The following NELL2 variants were observed in gnomAD, a reference collection of about 807,000 sequenced individuals.
The protein encoded by NELL2 is protein kinase C-binding protein NELL2.
NELL2 carries 41 observed loss-of-function variants against 109.6 expected under a neutral mutation model. That is an observed-to-expected ratio of 0.37 (90% CI 0.29 to 0.49). The LOEUF (loss-of-function observed/expected upper bound fraction) is 0.49, where lower values mean the gene tolerates loss of function less well. Ranked by LOEUF, NELL2 falls within the 20% of genes least tolerant of loss-of-function variation. The pLI, the probability that NELL2 is intolerant of heterozygous loss-of-function variation, is 0.98. For synonymous variants in NELL2, 355 were observed against 344.7 expected, an observed-to-expected ratio of 1.03 and a Z score of -0.33; for missense variants, 900 against 1,008.3, an observed-to-expected ratio of 0.89 and a Z score of 1.45.
At chr12:44,696,518 T>G (rs1490326708) in intron 12 of NELL2, among the ~76,000 whole-genome samples, 1 of 152,226 alleles carries the variant, frequency 6.6e-6, no homozygotes. Flanking sequence ...ATTTAATCAG[T>G]GCACATACAA....
At chr12:44,744,242 T>A (rs1441763274) in intron 9 of NELL2, among the ~76,000 whole-genome samples, 1 of 152,158 alleles carries the variant, frequency 6.6e-6, no homozygotes, top group Non-Finnish European at 1.5e-5. Context: ...AAGATGTTCT[T>A]TGAAACCAAC....
At chr12:44,896,973 T>C (rs1028769641) in intron 1 of NELL2, among the ~76,000 whole-genome samples, 3 of 152,204 alleles carry the variant, frequency 2.0e-5, no homozygotes, top group African/African-American at 7.2e-5. Flanking sequence ...CAGGAGTGAC[T>C]TAATCGAAGG....
chr12:44,818,783 C>G (rs1164261166), intron 2 of NELL2, among the ~76,000 whole-genome samples: 1 of 132,722 alleles, frequency 7.5e-6, no homozygotes, highest in Non-Finnish European at 1.6e-5. Flanking sequence ...TCGCCCAGGC[C>G]GGACTGCGGA....
At position 44,889,780 on chromosome 12, in the gene NELL2, G is replaced by A. The variant is rs148262191; in HGVS notation, c.39-13880C>T. ...TTTATTTTATTCTGCCTCTGCTACC[G>A]TCAAAAATAATTCTCTTTTTCTAAG... On this transcript the variant is annotated intron_variant, in intron 1 of 20. Transcript: ENST00000333837. Among the ~76,000 whole-genome samples the A allele has an allele frequency of 1.6e-3, 250 of 152,140 alleles. 1 individual carries two copies. Among genetic ancestry groups the A allele is most frequent in the African/African-American group, 5.7e-3 (236 of 41,490 alleles).
chr12:44,693,208 C>CAGCAAAA (rs1250475874), intron 12 of NELL2, among the ~76,000 whole-genome samples: 1 of 152,158 alleles, frequency 6.6e-6, no homozygotes, highest in African/African-American at 2.4e-5. Flanking sequence ...GACCCTCCAT[C>CAGCAAAA]AGCAAAAATA....
chr12:44,549,848 C>G (rs1942958452), intron 15 of NELL2, among the ~76,000 whole-genome samples: 1 of 152,056 alleles, frequency 6.6e-6, no homozygotes, highest in Non-Finnish European at 1.5e-5. Flanking sequence ...CAATGTATTC[C>G]TATCAAAACT....
At chr12:44,813,417 T>G (rs1226311838) in intron 3 of NELL2, among the ~76,000 whole-genome samples, 4 of 152,160 alleles carry the variant, frequency 2.6e-5, no homozygotes, top group Non-Finnish European at 4.4e-5. Context: ...AATTTATAAT[T>G]TCCTAGATAA....
intron 13 of NELL2, among the ~76,000 whole-genome samples, chr12:44,659,916 G>A (rs897921244): frequency 2.0e-5 from 3 of 152,122 alleles, no homozygotes; most frequent in Admixed American, 1.3e-4. Flanking sequence ...AAAATCAGTA[G>A]AAAGTATATG....
chr12:44,666,976 T>C (rs1566119070), intron 12 of NELL2, among the ~76,000 whole-genome samples: 1 of 152,196 alleles, frequency 6.6e-6, no homozygotes, highest in Non-Finnish European at 1.5e-5. Flanking sequence ...GTGGATCTTG[T>C]TTACCGGTAG....
chr12:44,811,223 C>T (rs962278273), intron 3 of NELL2, among the ~76,000 whole-genome samples: 9 of 150,774 alleles, frequency 6.0e-5, no homozygotes, highest in African/African-American at 2.2e-4. Context: ...ATACCTAGTG[C>T]TTGCAGGGCT....
intron 15 of NELL2, among the ~76,000 whole-genome samples, chr12:44,571,788 C>T (rs996358124): frequency 2.0e-5 from 3 of 152,144 alleles, no homozygotes; most frequent in South Asian, 2.1e-4. Flanking sequence ...AAATAAACTG[C>T]ACAATAATTT....
Position 44,742,678 on chromosome 12 carries a change from G to A in NELL2, c.995-27937C>T, listed in dbSNP as rs181888197. Among the ~76,000 whole-genome samples, 1,500 of 152,240 alleles carry A rather than the reference G, an allele frequency of 9.9e-3. 13 individuals are homozygous for A. Among genetic ancestry groups the A allele is most frequent in the Non-Finnish European group, 0.013 (909 of 68,022 alleles). ...ATGCAGAAGCCTCAGTAGCCGATGC[G>A]ATCAACTGGAAGAAAGGGTATCAGT... On this transcript the variant is annotated intron_variant, in intron 9 of 19. Transcript: ENST00000429094.
chr12:44,624,996 GTA>G lies in NELL2; in HGVS notation c.1445-14028_1445-14027del, dbSNP rs3072882. On this transcript the variant is annotated intron_variant, in intron 13 of 19. Coordinates refer to ENST00000429094, the MANE Select transcript of NELL2 (RefSeq NM_001145108.2). ...ATGACAAATATATATATATGTGTGT[GTA>G]TATATATATATATATATATATATAT... 3.6e-3 allele frequency among the ~76,000 whole-genome samples: 258 copies of G among 71,104 alleles called. 1 individual carries two copies. The highest frequency in any genetic ancestry group is 8.2e-3 in the African/African-American group (150 of 18,184). The allele number at this position is 71,104 out of a possible 152,430, so 46.6% of individuals were successfully genotyped here.
At chr12:44,552,670 C>G (rs931420829) in intron 15 of NELL2, among the ~76,000 whole-genome samples, 1 of 152,014 alleles carries the variant, frequency 6.6e-6, no homozygotes, top group African/African-American at 2.4e-5. Context: ...AAGCACATAC[C>G]AAACGATTTT....
intron 12 of NELL2, among the ~76,000 whole-genome samples, chr12:44,669,472 A>G (rs1948061234): frequency 3.3e-5 from 5 of 152,110 alleles, no homozygotes; most frequent in Admixed American, 3.3e-4. Context: ...AATACAAGCA[A>G]ACACAGATAA....
In NELL2 at chr12:44,816,606, T is replaced by C. The variant is rs573540284; in HGVS notation, c.185-470A>G. On this transcript the variant is annotated intron_variant, in intron 2 of 19. Transcript: ENST00000429094. Reference sequence around the variant, plus strand: ...ATCTATGTGCCACCCTCCACATTGGTTTCTTCAGCCAGAAGGTTTGCTATA... The same window carrying C: ...ATCTATGTGCCACCCTCCACATTGGCTTCTTCAGCCAGAAGGTTTGCTATA... 8.5e-5 allele frequency among the ~76,000 whole-genome samples: 13 copies of C among 152,296 alleles called. No homozygotes were observed. In the East Asian group the frequency reaches 2.5e-3, roughly 29 times the overall value.
At chr12:44,612,147 T>C (rs1184983339) in intron 13 of NELL2, among the ~76,000 whole-genome samples, 2 of 152,058 alleles carry the variant, frequency 1.3e-5, no homozygotes, top group African/African-American at 4.8e-5. Context: ...GCATAATAGA[T>C]CTGTAACTTG....
chr12:44,798,527 C>A (rs74524376), intron 3 of NELL2, among the ~76,000 whole-genome samples: 5,574 of 152,046 alleles, frequency 0.037, 341 homozygotes, highest in African/African-American at 0.13. Flanking sequence ...TGAAACAATA[C>A]TGAAAGAAAT....
At chr12:44,910,064 C>A (rs376115) in intron 1 of NELL2, among the ~76,000 whole-genome samples, 5,296 of 151,902 alleles carry the variant, frequency 0.035, 199 homozygotes, top group African/African-American at 0.085. Flanking sequence ...TTCTGGACAT[C>A]GGCCTTAGGA....
Sources: allele counts gnomAD v4.1 joint callset (sites outside exome capture counted in the v4.1 genomes callset), GRCh38; gene constraint gnomAD v4.1.1; transcripts MANE v1.5; gene names NCBI Gene and HGNC (gene_info 2026-07-23, HGNC 2026-07-21).